ADGRV1: variants seen among roughly 807,000 people sequenced by gnomAD.
The protein encoded by ADGRV1 is G-protein coupled receptor 98.
ADGRV1 carries 359 observed loss-of-function variants against 596.2 expected under a neutral mutation model. The ratio of observed to expected loss-of-function variants is 0.60; its 90% CI spans 0.55 to 0.66. The LOEUF (loss-of-function observed/expected upper bound fraction) is 0.66, where lower values mean the gene tolerates loss of function less well. ADGRV1 is among the 30% of genes least tolerant of loss of function. ADGRV1 has a pLI of 0.00. For missense variants in ADGRV1, 7,274 were observed against 7,575.6 expected (o/e 0.96, Z 1.48); for synonymous variants, 2,681 against 2,679.2 (o/e 1.00, Z -0.02).
intron 1 of ADGRV1, among the ~76,000 whole-genome samples, chr5:90,597,749 A>C (rs1580400389): frequency 6.9e-6 from 1 of 145,642 alleles, no homozygotes; most frequent in African/African-American, 2.8e-5. Flanking sequence ...AAGAGAAGAG[A>C]GGAAGAAGAG....
chr5:90,957,455 G>A (rs1777574414), intron 83 of ADGRV1, among the ~76,000 whole-genome samples: 1 of 150,878 alleles, frequency 6.6e-6, no homozygotes, highest in Admixed American at 6.6e-5. Context: ...TCAGAAGATG[G>A]CTTTTTAAAG....
At position 90,622,618 on chromosome 5, in the gene ADGRV1, G is replaced by A; in HGVS notation, c.475G>A (p.Glu159Lys). 6.8e-7 allele frequency: 1 copy of A among 1,477,316 alleles called. No individual in the cohort carries two copies. Among genetic ancestry groups the A allele is most frequent in the Non-Finnish European group, 9.0e-7 (1 of 1,112,074 alleles). The allele number at this position is 1,477,316 out of a possible 1,614,324, so 91.5% of individuals were successfully genotyped here. A position where few individuals can be genotyped will look rare whatever the true frequency, so the allele number is the denominator to read the frequency against. ...FNMLPSIAVS[E>K]PKGRNESMPL... ...ATAGCTTCCCTCAATCGCAGTGAGT[G>A]AGCCCAAGGGCAGAAATGAGTCTAT... Residue 159 changes from glutamate to lysine, a missense_variant, in exon 5 of 90, where the codon GAG becomes AAG. Glu to Lys is a moderately conservative substitution (Grantham distance 56). Coordinates refer to ENST00000405460, the MANE Select transcript of ADGRV1 (RefSeq NM_032119.4).
In ADGRV1 at chr5:90,563,748, G is replaced by A. The variant is rs894666327; in HGVS notation, c.22+4831G>A. On this transcript the variant is annotated intron_variant, in intron 1 of 89. Transcript: ENST00000405460. ...AAGATTCTAAAGTGTTACAACAAAT[G>A]AATAAGTGCTCTGAGGCATATTGTG... Among the ~76,000 whole-genome samples the A allele has an allele frequency of 2.2e-4, 33 of 152,220 alleles. 1 individual carries two copies. The highest frequency in any genetic ancestry group is 1.4e-3 in the South Asian group (7 of 4,832).
intron 85 of ADGRV1, 114 bp from the exon 86 acceptor site, chr5:91,072,333 G>A (rs2151393734): frequency 5.3e-6 from 5 of 943,596 alleles, no homozygotes; most frequent in Non-Finnish European, 8.4e-6. Flanking sequence ...AAAATCTGAT[G>A]TTGCCAGCAT....
intron 7 of ADGRV1, 146 bp from the exon 8 acceptor site, chr5:90,628,416 A>G (rs1765079117): frequency 2.8e-6 from 2 of 716,478 alleles, no homozygotes; most frequent in Non-Finnish European, 4.7e-6. Flanking sequence ...AGTCTCAAAC[A>G]AACAAAAATA....
chr5:90,719,765 CA>C (rs1220248618), intron 43 of ADGRV1, among the ~76,000 whole-genome samples: 1 of 152,088 alleles, frequency 6.6e-6, no homozygotes, highest in African/African-American at 2.4e-5. Context: ...AAAAAGTTCA[CA>C]AAAATGAAGA....
chr5:90,805,399 A>G lies in ADGRV1; in HGVS notation c.14777A>G (p.Tyr4926Cys), dbSNP rs1299704405. The G allele has an allele frequency of 4.4e-6, 7 of 1,608,592 alleles. No homozygotes were observed. Among genetic ancestry groups the G allele is most frequent in the African/African-American group, 1.3e-5 (1 of 74,868 alleles). ...CTCTCGGTTGCCTGGACCACTGGAT[A>G]TGCTCCTGGGTTAGAAATTCCTGAA... ...GALSVAWTTG[Y>C]APGLEIPEFI... Residue 4926 changes from tyrosine to cysteine, a missense_variant, in exon 72 of 90, where the codon TAT (tyrosine) becomes TGT (cysteine). Transcript: ENST00000405460.
chr5:90,589,180 C>T (rs1373383811), intron 1 of ADGRV1, among the ~76,000 whole-genome samples: 2 of 152,026 alleles, frequency 1.3e-5, no homozygotes, highest in East Asian at 3.9e-4. Context: ...ACGCTGGACA[C>T]ATTGATCAAA....
In ADGRV1 at chr5:90,840,963, C is replaced by T. The variant is rs371528462; in HGVS notation, c.16997C>T (p.Ala5666Val). 4 of 1,412,142 alleles carry T rather than the reference C, an allele frequency of 2.8e-6. No individual in the cohort carries two copies. The highest frequency in any genetic ancestry group is 2.9e-5 in the African/African-American group (2 of 69,918). The allele number at this position is 1,412,142 out of a possible 1,614,324, so 87.5% of individuals were successfully genotyped here. Residue 5666 changes from alanine (A) to valine (V), a missense_variant, in exon 78 of 90, where the codon GCC (alanine) becomes GTC (valine). By Grantham distance (64) the Ala-to-Val change is moderately conservative. This residue lies in a region of ADGRV1 where 1,874 missense variants were observed against 1,970.2 expected (regional missense o/e 0.95). Coordinates refer to ENST00000405460, the MANE Select transcript of ADGRV1 (RefSeq NM_032119.4). The stretch of plus-strand genomic sequence containing the variant: ...GAAAACACAGATGAACAACTCAGTG[C>T]CATGATGCATTTAATAGAAAAGGTA... ...ATENTDEQLS[A>V]MMHLIEKITT...
At chr5:90,938,151 G>T (rs1775869106) in intron 83 of ADGRV1, among the ~76,000 whole-genome samples, 1 of 151,978 alleles carries the variant, frequency 6.6e-6, no homozygotes, top group Non-Finnish European at 1.5e-5. Context: ...AACTCATTGT[G>T]CATCTTGAAC....
intron 45 of ADGRV1, among the ~76,000 whole-genome samples, chr5:90,724,101 A>G: frequency 6.6e-6 from 1 of 152,182 alleles, no homozygotes; most frequent in East Asian, 1.9e-4. Flanking sequence ...TAAATTTTTT[A>G]AACCAAATAT....
intron 83 of ADGRV1, among the ~76,000 whole-genome samples, chr5:90,960,360 G>GT (rs1420077796): frequency 6.6e-6 from 1 of 152,060 alleles, no homozygotes; most frequent in Non-Finnish European, 1.5e-5. Context: ...CAATAAAGCT[G>GT]TTTTTTAAAC....
intron 85 of ADGRV1, among the ~76,000 whole-genome samples, chr5:90,986,088 A>AATAT (rs4019336): frequency 6.4e-5 from 9 of 141,628 alleles, no homozygotes; most frequent in Non-Finnish European, 1.1e-4. Flanking sequence ...ATATATGCAT[A>AATAT]ATATATATAT....
intron 86 of ADGRV1, among the ~76,000 whole-genome samples, chr5:91,076,720 C>T (rs2126467626): frequency 2.0e-5 from 3 of 152,204 alleles, no homozygotes; most frequent in Admixed American, 2.0e-4. Flanking sequence ...CTCTATAATT[C>T]CCAAAACTAC....
At chr5:90,717,400 A>AAT (rs1750262655) in intron 43 of ADGRV1, 1 of 150,316 alleles carries the variant, frequency 6.7e-6, no homozygotes, top group South Asian at 2.2e-4. Context: ...ATAAAAAAAA[A>AAT]AGCAATTTGC....
intron 70 of ADGRV1, among the ~76,000 whole-genome samples, chr5:90,795,463 C>G (rs976093991): frequency 6.6e-6 from 1 of 152,168 alleles, no homozygotes; most frequent in African/African-American, 2.4e-5. Context: ...CCTCTCTGGG[C>G]AGGGCATCTC....
chr5:90,568,575 A>G (rs1376192905), intron 1 of ADGRV1, among the ~76,000 whole-genome samples: 1 of 152,144 alleles, frequency 6.6e-6, no homozygotes, highest in Non-Finnish European at 1.5e-5. Flanking sequence ...TTGATAAGAT[A>G]TGTATTCTGC....
chr5:90,960,757 G>T (rs1029241219), intron 83 of ADGRV1, among the ~76,000 whole-genome samples: 19 of 152,062 alleles, frequency 1.2e-4, no homozygotes, highest in Non-Finnish European at 2.4e-4. Flanking sequence ...ATGAGAAAAA[G>T]AAATTCTAGA....
At chr5:91,053,836 C>G (rs1373592446) in intron 85 of ADGRV1, among the ~76,000 whole-genome samples, 4 of 152,180 alleles carry the variant, frequency 2.6e-5, no homozygotes, top group African/African-American at 9.7e-5. Context: ...TGATCTCCAG[C>G]TCAGGAAGCA....
Sources: gnomAD v4.1 joint callset for allele counts (sites outside exome capture counted in the v4.1 genomes callset) on GRCh38, gnomAD v4.1.1 for gene constraint, gnomAD v4.1.1 regional missense constraint, MANE v1.5 for transcripts, NCBI Gene and HGNC (gene_info 2026-07-23, HGNC 2026-07-21) for gene names.